SMPDL3B: variants seen among roughly 807,000 people sequenced by gnomAD.
SMPDL3B encodes the protein acid sphingomyelinase-like phosphodiesterase 3b.
Under a neutral mutation model 37.9 loss-of-function variants are expected in SMPDL3B, and 31 were observed. The observed-to-expected ratio is 0.82, with a 90% confidence interval of 0.61 to 1.10. The LOEUF (loss-of-function observed/expected upper bound fraction) is 1.10. Among genes scored for constraint, SMPDL3B ranks in the 50% least tolerant of loss-of-function variants. The pLI, the probability that SMPDL3B is intolerant of heterozygous loss-of-function variation, is 0.00. For missense variants in SMPDL3B, 525 were observed against 597.8 expected (o/e 0.88, Z 1.27); for synonymous variants, 235 against 242.6 (o/e 0.97, Z 0.29).
At chr1:27,955,415 G>A (rs1208189485) in intron 5 of SMPDL3B, among the ~76,000 whole-genome samples, 1 of 152,226 alleles carries the variant, frequency 6.6e-6, no homozygotes, top group Non-Finnish European at 1.5e-5. Flanking sequence ...GCTTCATGGG[G>A]GAGGTGCTCT....
Position 27,958,644 on chromosome 1 carries a change from T to C in SMPDL3B, c.1174T>C (p.Tyr392His), listed in dbSNP as rs143078230. 705 of 1,613,930 alleles carry C rather than the reference T, an allele frequency of 4.4e-4. No individual in the cohort carries two copies. Among genetic ancestry groups the C allele is most frequent in the Admixed American group, 6.7e-4 (40 of 60,028 alleles). ...TGGCGACCAGAGCACACTGCAGCGC[T>C]ACTACGTCTATAACTCAGTCAGCTA... ...IAGDQSTLQR[Y>H]YVYNSVSYSA... The change falls in exon 8 of 8, where the codon TAC (tyrosine) becomes CAC (histidine). Residue 392 changes from tyrosine (Y) to histidine (H), a missense_variant. By Grantham distance (83) the Tyr-to-His change is moderately conservative (BLOSUM62 2). Coordinates refer to ENST00000373894, the MANE Select transcript of SMPDL3B (RefSeq NM_014474.4). This position sits in a 1 kb window ranked among gnomAD's most constrained non-coding sequence, Gnocchi z 5.6.
intron 1 of SMPDL3B, among the ~76,000 whole-genome samples, chr1:27,937,610 C>A (rs187547543): frequency 6.6e-6 from 1 of 152,266 alleles, no homozygotes; most frequent in Non-Finnish European, 1.5e-5. Context: ...CAGACAAAAG[C>A]CACTGAATCA....
At chr1:27,942,544 T>A (rs2090369134) in intron 1 of SMPDL3B, among the ~76,000 whole-genome samples, 1 of 152,240 alleles carries the variant, frequency 6.6e-6, no homozygotes, top group African/African-American at 2.4e-5. Flanking sequence ...AGTGGTGCAA[T>A]CTCGGCTCAC....
At position 27,945,283 on chromosome 1, in the gene SMPDL3B, C is replaced by T; in HGVS notation, c.113C>T (p.Ser38Phe). The T allele has an allele frequency of 6.2e-7, 1 of 1,614,178 alleles. No individual in the cohort carries two copies. ...DLHLDPDYKV[S>F]KDPFQVCPSA... Reference sequence around the variant, plus strand: ...CACCTTGACCCTGACTACAAGGTATCCAAAGACCCCTTCCAGGTGTGCCCA... The same window carrying T: ...CACCTTGACCCTGACTACAAGGTATTCAAAGACCCCTTCCAGGTGTGCCCA... The change falls in exon 2 of 8, where the codon TCC becomes TTC. Residue 38 changes from serine to phenylalanine, a missense_variant. By Grantham distance (155) the Ser-to-Phe change is radical. Coordinates refer to ENST00000373894, the MANE Select transcript of SMPDL3B (RefSeq NM_014474.4). The surrounding 1 kb of genome is among the most constrained non-coding windows in gnomAD (Gnocchi z 4.0).
chr1:27,958,702 T>C lies in SMPDL3B; in HGVS notation c.1232T>C (p.Met411Thr), dbSNP rs762839224. ...SAGVCDEACS[M>T]QHVCAMRQVD... Reference sequence around the variant, plus strand: ...GGGGTCTGCGACGAGGCCTGCAGCATGCAGCACGTGTGTGCCATGCGCCAG... The same window carrying C: ...GGGGTCTGCGACGAGGCCTGCAGCACGCAGCACGTGTGTGCCATGCGCCAG... Residue 411 changes from methionine to threonine, a missense_variant, in exon 8 of 8, where the codon ATG (methionine) becomes ACG (threonine). Met to Thr is a moderately conservative substitution (Grantham distance 81). Coordinates refer to ENST00000373894, the MANE Select transcript of SMPDL3B (RefSeq NM_014474.4). This position sits in a 1 kb window ranked among gnomAD's most constrained non-coding sequence, Gnocchi z 5.6. 3 of 1,613,928 alleles carry C rather than the reference T, an allele frequency of 1.9e-6. No homozygotes were observed. The South Asian group carries it at 3.3e-5, about 18-fold the overall frequency.
chr1:27,954,765 A>T (rs568943629), intron 5 of SMPDL3B, among the ~76,000 whole-genome samples: 2 of 152,184 alleles, frequency 1.3e-5, no homozygotes, highest in Non-Finnish European at 2.9e-5. Context: ...CAAGTCACAT[A>T]ATAAGTGACG....
intron 5 of SMPDL3B, 108 bp from the exon 6 acceptor site, chr1:27,955,576 T>G: frequency 1.9e-6 from 2 of 1,068,580 alleles, no homozygotes; most frequent in Non-Finnish European, 2.8e-6. Context: ...AGGAGATACA[T>G]TTGGGCCTGT....
chr1:27,956,208 C>T, intron 7 of SMPDL3B, 126 bp downstream of exon 7: 3 of 1,594,322 alleles, frequency 1.9e-6, no homozygotes, highest in South Asian at 1.1e-5. Context: ...GAGCTCCTTC[C>T]ACCCTTCTCC....
Position 27,953,366 on chromosome 1 carries a change from C to T in SMPDL3B, c.517+8C>T, listed in dbSNP as rs1242305244. 6.2e-7 allele frequency: 1 copy of T among 1,608,078 alleles called. No individual in the cohort carries two copies. Among genetic ancestry groups the T allele is most frequent in the Non-Finnish European group, 8.5e-7 (1 of 1,177,396 alleles). On this transcript the variant is annotated splice_region_variant and intron_variant, in intron 4 of 7. Transcript: ENST00000373894. Reference sequence around the variant, plus strand: ...TCGCTCTCTTCAAAAAAGGTACCAACACCACCTGCTCCTATCAAGAGCACT... The same window carrying T: ...TCGCTCTCTTCAAAAAAGGTACCAATACCACCTGCTCCTATCAAGAGCACT...
chr1:27,958,956 C>A lies in SMPDL3B; in HGVS notation c.*118C>A. 1.6e-6 allele frequency: 2 copies of A among 1,261,180 alleles called. No individual in the cohort carries two copies. Among genetic ancestry groups the A allele is most frequent in the Non-Finnish European group, 2.1e-6 (2 of 941,018 alleles). The allele number at this position is 1,261,180 out of a possible 1,614,324, so 78.1% of individuals were successfully genotyped here. On this transcript the variant is annotated 3_prime_UTR_variant, in exon 8 of 8. Coordinates refer to ENST00000373894, the MANE Select transcript of SMPDL3B (RefSeq NM_014474.4). This position sits in a 1 kb window ranked among gnomAD's most constrained non-coding sequence, Gnocchi z 5.6. ...GAGGAGTGAACTGAAATAGGACAAC[C>A]GAATCAGGAAGCGAAGCCCCAGGAG...
intron 2 of SMPDL3B, among the ~76,000 whole-genome samples, chr1:27,948,531 G>C (rs2090429469): frequency 6.6e-6 from 1 of 151,972 alleles, no homozygotes; most frequent in African/African-American, 2.4e-5. Flanking sequence ...GTGGTCCCAG[G>C]GCAGAATCAG....
chr1:27,954,604 A>C (rs2148680818), intron 5 of SMPDL3B, 78 bp downstream of exon 5: 1 of 1,418,350 alleles, frequency 7.1e-7, no homozygotes, highest in Non-Finnish European at 9.8e-7. Context: ...AAACTCACCC[A>C]CCCACCCAAA....
chr1:27,935,526 T>C (rs1381504118), intron 1 of SMPDL3B, among the ~76,000 whole-genome samples: 1 of 152,000 alleles, frequency 6.6e-6, no homozygotes, highest in Non-Finnish European at 1.5e-5. Context: ...GCAGGAAAGA[T>C]TCGTGGACTC....
intron 3 of SMPDL3B, 100 bp downstream of exon 3, chr1:27,949,262 C>T: frequency 2.5e-6 from 3 of 1,219,876 alleles, no homozygotes; most frequent in East Asian, 4.8e-5. Flanking sequence ...GGCTGACCTT[C>T]ATCCATGGAC....
chr1:27,958,607 G>A lies in SMPDL3B; in HGVS notation c.1137G>A (p.Leu379=), dbSNP rs1283921091. Residue 379 remains leucine, a synonymous_variant, in exon 8 of 8, where the codon CTG becomes CTA. Coordinates refer to ENST00000373894, the MANE Select transcript of SMPDL3B (RefSeq NM_014474.4). The surrounding 1 kb of genome is among the most constrained non-coding windows in gnomAD (Gnocchi z 5.6). Reference sequence around the variant, plus strand: ...GCGCCCACTCCATGCACACAGTGCTGGACCGCATCGCTGGCGACCAGAGCA... The same window carrying A: ...GCGCCCACTCCATGCACACAGTGCTAGACCGCATCGCTGGCGACCAGAGCA... ...DASAHSMHTV[L]DRIAGDQSTL... is the part of the protein sequence containing the mutation. 5.0e-6 allele frequency: 8 copies of A among 1,613,702 alleles called. No individual in the cohort carries two copies. Among genetic ancestry groups the A allele is most frequent in the East Asian group, 2.2e-5 (1 of 44,870 alleles).
rs575036804 is a variant in SMPDL3B, at chr1:27,946,390, C to T, written c.275+945C>T. 2.0e-4 allele frequency among the ~76,000 whole-genome samples: 30 copies of T among 152,094 alleles called. 1 individual carries two copies. The South Asian group carries it at 6.2e-3, about 32-fold the overall frequency. On this transcript the variant is annotated intron_variant, in intron 2 of 7. Coordinates refer to ENST00000373894, the MANE Select transcript of SMPDL3B (RefSeq NM_014474.4). Reference sequence around the variant, plus strand: ...AGAAAGAAAAAGAAAAAAAGATACCCCCATCTCCTCGCTTGCTCCCTCACT... The same window carrying T: ...AGAAAGAAAAAGAAAAAAAGATACCTCCATCTCCTCGCTTGCTCCCTCACT...
intron 1 of SMPDL3B, among the ~76,000 whole-genome samples, chr1:27,944,075 T>C (rs1191013018): frequency 6.6e-6 from 1 of 151,428 alleles, no homozygotes; most frequent in Non-Finnish European, 1.5e-5. Context: ...ATGAGAAGTC[T>C]ACTCCATCTC....
At chr1:27,953,093 T>C in intron 3 of SMPDL3B, 122 bp from the exon 4 acceptor site, 1 of 712,232 alleles carries the variant, frequency 1.4e-6, no homozygotes, top group Non-Finnish European at 2.4e-6. Flanking sequence ...TATCTGTGTC[T>C]TTTCCTCATC....
intron 5 of SMPDL3B, among the ~76,000 whole-genome samples, chr1:27,955,164 G>A (rs1443331020): frequency 6.6e-6 from 1 of 152,182 alleles, no homozygotes; most frequent in Non-Finnish European, 1.5e-5. Flanking sequence ...AGCTCAGAGA[G>A]GTGATACACA....
Sources: gnomAD v4.1 joint callset for allele counts (sites outside exome capture counted in the v4.1 genomes callset) on GRCh38, gnomAD v4.1.1 for gene constraint, Gnocchi (gnomAD v3.1) non-coding constraint, MANE v1.5 for transcripts, NCBI Gene and HGNC (gene_info 2026-07-23, HGNC 2026-07-21) for gene names.